HYAL4: variants seen among roughly 807,000 people sequenced by gnomAD.
HYAL4 encodes the protein hyaluronidase 4.
In HYAL4, 37 loss-of-function variants were observed where a neutral mutation model predicts 35.2. The ratio of observed to expected loss-of-function variants is 1.05; its 90% CI spans 0.81 to 1.38. The LOEUF (loss-of-function observed/expected upper bound fraction) is 1.38, where lower values mean the gene tolerates loss of function less well. Ranked by LOEUF, HYAL4 falls within the 40% of genes most tolerant of loss-of-function variation. The pLI, the probability that HYAL4 is intolerant of heterozygous loss-of-function variation, is 0.00. For synonymous variants in HYAL4, 198 were observed against 203.2 expected (o/e 0.97, Z 0.22); for missense variants, 572 against 572.4 (o/e 1.00, Z 0.01).
intron 2 of HYAL4, among the ~76,000 whole-genome samples, chr7:123,859,109 GA>G (rs1415246179): frequency 3.3e-5 from 5 of 152,076 alleles, no homozygotes; most frequent in Admixed American, 3.3e-4. Flanking sequence ...AAAATCCAAG[GA>G]AAAAAGTTAT....
At chr7:123,813,178 G>C in the HYAL4 span, among the ~76,000 whole-genome samples, 1 of 151,998 alleles carries the variant, frequency 6.6e-6, no homozygotes, top group Non-Finnish European at 1.5e-5. Flanking sequence ...AAAAGAAACT[G>C]AGTTTAATTA....
chr7:123,876,376 G>A (rs1207915626), intron 4 of HYAL4, among the ~76,000 whole-genome samples: 1 of 152,150 alleles, frequency 6.6e-6, no homozygotes, highest in Non-Finnish European at 1.5e-5. Context: ...TCCTAATTTG[G>A]GTTTGTTCCT....
the HYAL4 span, among the ~76,000 whole-genome samples, chr7:123,777,383 C>T: frequency 1.3e-5 from 2 of 151,910 alleles, no homozygotes; most frequent in Non-Finnish European, 2.9e-5. Flanking sequence ...AAACATATAA[C>T]TAAAATTATT....
the HYAL4 span, among the ~76,000 whole-genome samples, chr7:123,809,393 CTTTTTTTT>C: frequency 7.7e-6 from 1 of 129,576 alleles, no homozygotes; most frequent in Non-Finnish European, 1.7e-5. Context: ...TTTTCTTCTT[CTTTTTTTT>C]TTTTTTTTTT....
At chr7:123,793,585 C>T in the HYAL4 span, among the ~76,000 whole-genome samples, 2 of 152,180 alleles carry the variant, frequency 1.3e-5, no homozygotes, top group Non-Finnish European at 2.9e-5. Flanking sequence ...CTCACGAGAT[C>T]TGATAGCTTT....
the HYAL4 span, among the ~76,000 whole-genome samples, chr7:123,799,074 G>T: frequency 5.6e-4 from 85 of 152,288 alleles, no homozygotes; most frequent in Non-Finnish European, 5.0e-4. Context: ...AGGGAAACTT[G>T]TAAGAGGCTA....
intron 1 of HYAL4, among the ~76,000 whole-genome samples, chr7:123,832,765 G>A (rs944827225): frequency 4.6e-5 from 7 of 151,812 alleles, no homozygotes; most frequent in African/African-American, 7.3e-5. Context: ...CCCCCCAGGC[G>A]TGAGCCACCG....
chr7:123,846,030 C>T (rs1806166636), intron 1 of HYAL4, among the ~76,000 whole-genome samples: 2 of 152,170 alleles, frequency 1.3e-5, no homozygotes. Context: ...GCCATGGATA[C>T]CAGCACCTGC....
the HYAL4 span, among the ~76,000 whole-genome samples, chr7:123,785,111 C>T: frequency 6.6e-6 from 1 of 152,180 alleles, no homozygotes; most frequent in Non-Finnish European, 1.5e-5. This position sits in a 1 kb window ranked among gnomAD's most constrained non-coding sequence, Gnocchi z 4.5. Flanking sequence ...TGTCACCGGG[C>T]TAGAGTGCAG....
the HYAL4 span, chr7:123,819,246 T>C: frequency 6.6e-6 from 1 of 152,598 alleles, no homozygotes; most frequent in African/African-American, 2.4e-5. Context: ...ATTAACGTGT[T>C]CCTTACCACA....
chr7:123,852,329 A>C (rs1294664133), intron 2 of HYAL4, among the ~76,000 whole-genome samples: 1 of 152,132 alleles, frequency 6.6e-6, no homozygotes. Context: ...TATGTCCTGA[A>C]TGGTAATGCC....
intron 2 of HYAL4, among the ~76,000 whole-genome samples, chr7:123,858,384 G>A (rs146197122): frequency 1.1e-3 from 163 of 152,176 alleles, no homozygotes; most frequent in Admixed American, 1.9e-3. Context: ...AAAACATTAG[G>A]TGCAATGCCA....
At chr7:123,846,765 T>A (rs1020488063) in intron 1 of HYAL4, among the ~76,000 whole-genome samples, 1 of 152,176 alleles carries the variant, frequency 6.6e-6, no homozygotes, top group Non-Finnish European at 1.5e-5. Flanking sequence ...AGGACTCCTA[T>A]GAGACAAGGC....
chr7:123,872,276 G>C (rs1806902877), intron 3 of HYAL4, among the ~76,000 whole-genome samples: 1 of 152,132 alleles, frequency 6.6e-6, no homozygotes, highest in South Asian at 2.1e-4. Context: ...CTGTTTCTGA[G>C]TTATTTCACT....
the HYAL4 span, among the ~76,000 whole-genome samples, chr7:123,773,943 A>G: frequency 2.0e-5 from 3 of 151,834 alleles, no homozygotes; most frequent in Admixed American, 6.6e-5. Flanking sequence ...TCTGTTATGC[A>G]TGGCAGTCTG....
intron 2 of HYAL4, among the ~76,000 whole-genome samples, chr7:123,853,027 G>T (rs913130280): frequency 1.3e-5 from 2 of 152,036 alleles, no homozygotes; most frequent in African/African-American, 4.8e-5. Flanking sequence ...TCATGATTTG[G>T]CTCTCCGTTG....
intron 3 of HYAL4, among the ~76,000 whole-genome samples, chr7:123,871,922 G>A (rs914652865): frequency 6.6e-6 from 1 of 152,228 alleles, no homozygotes; most frequent in Non-Finnish European, 1.5e-5. Flanking sequence ...ATTTCAGACA[G>A]AAGATTGCCT....
chr7:123,844,045 G>A (rs774302354), upstream of HYAL4, among the ~76,000 whole-genome samples: 10 of 152,116 alleles, frequency 6.6e-5, no homozygotes, highest in Admixed American at 3.3e-4. Context: ...CATTGCTGGT[G>A]AGGAGCTGCG....
At chr7:123,857,722 TTTCTTTCTTTCA>T (rs1806485403) in intron 2 of HYAL4, among the ~76,000 whole-genome samples, 1 of 141,740 alleles carries the variant, frequency 7.1e-6, no homozygotes, top group Non-Finnish European at 1.6e-5. Context: ...TCTTTCTTTC[TTTCTTTCTTTCA>T]ATAGAAACAA....
Sources: gnomAD v4.1 joint callset for allele counts (sites outside exome capture counted in the v4.1 genomes callset) on GRCh38, gnomAD v4.1.1 for gene constraint, Gnocchi (gnomAD v3.1) non-coding constraint, MANE v1.5 for transcripts, NCBI Gene and HGNC (gene_info 2026-07-23, HGNC 2026-07-21) for gene names.